Variants in EPG5 observed in about 807,000 individuals in gnomAD.
EPG5 encodes ectopic P granules protein 5 homolog.
In EPG5, 159 loss-of-function variants were observed where a neutral mutation model predicts 302.7. The observed-to-expected ratio is 0.53, with a 90% CI of 0.46 to 0.60. EPG5 has a LOEUF of 0.60. Among genes scored for constraint, EPG5 ranks in the 20% least tolerant of loss-of-function variants. EPG5 has a pLI of 0.00. For missense variants in EPG5, 2,896 were observed against 3,092.4 expected (o/e 0.94, Z 1.51); for synonymous variants, 1,158 against 1,136.8 (o/e 1.02, Z -0.37).
At chr18:45,910,854 C>T in intron 22 of EPG5, 112 bp from the exon 23 acceptor site, 1 of 733,902 alleles carries the variant, frequency 1.4e-6, no homozygotes, top group Non-Finnish European at 2.2e-6. Flanking sequence ...TGGATATACA[C>T]CATTAAATTA....
At chr18:45,964,570 G>A (rs539950703) in intron 1 of EPG5, among the ~76,000 whole-genome samples, 54 of 152,150 alleles carry the variant, frequency 3.5e-4, no homozygotes, top group African/African-American at 1.3e-3. Flanking sequence ...TCATCGTTAA[G>A]TAGGTTTAGG....
At chr18:45,936,554 C>T (rs1346741984) in intron 10 of EPG5, among the ~76,000 whole-genome samples, 2 of 151,662 alleles carry the variant, frequency 1.3e-5, no homozygotes, top group Non-Finnish European at 2.9e-5. Flanking sequence ...ATAGTGAAAC[C>T]CCATCTCTAC....
intron 13 of EPG5, among the ~76,000 whole-genome samples, chr18:45,927,932 G>T (rs1339705870): frequency 3.9e-5 from 6 of 152,128 alleles, no homozygotes; most frequent in Non-Finnish European, 7.4e-5. Flanking sequence ...GGTGGCTCAT[G>T]CCTGTAATCC....
At chr18:45,967,062 C>A in intron 1 of EPG5, 115 bp downstream of exon 1, 1 of 974,268 alleles carries the variant, frequency 1.0e-6, no homozygotes, top group East Asian at 2.9e-5. Flanking sequence ...AAGGTGGAGG[C>A]GGAAGATGCA....
the EPG5 span, among the ~76,000 whole-genome samples, chr18:45,809,834 A>C: frequency 6.6e-6 from 1 of 152,186 alleles, no homozygotes; most frequent in East Asian, 1.9e-4. Flanking sequence ...AGAACAAACC[A>C]AACCCAAACC....
intron 27 of EPG5, among the ~76,000 whole-genome samples, chr18:45,894,533 CA>C (rs1037186557): frequency 6.6e-6 from 1 of 151,918 alleles, no homozygotes; most frequent in African/African-American, 2.4e-5. Context: ...TCTGGCAGGA[CA>C]AAACAGCAAG....
At chr18:45,943,413 G>T in intron 8 of EPG5, 102 bp from the exon 9 acceptor site, 1 of 958,134 alleles carries the variant, frequency 1.0e-6, no homozygotes, top group Non-Finnish European at 1.6e-6. Context: ...AAGCCAAGGT[G>T]GAGAAGAACT....
At chr18:45,801,476 C>G in the EPG5 span, among the ~76,000 whole-genome samples, 1 of 152,140 alleles carries the variant, frequency 6.6e-6, no homozygotes, top group Non-Finnish European at 1.5e-5. Flanking sequence ...GTGAGCAAAA[C>G]TTGACAGTTA....
At chr18:45,829,346 T>C in the EPG5 span, among the ~76,000 whole-genome samples, 2 of 152,178 alleles carry the variant, frequency 1.3e-5, no homozygotes, top group Non-Finnish European at 2.9e-5. Flanking sequence ...GTGCTGACAG[T>C]TGGAATTTCT....
rs1382218933 is a variant in EPG5 at position 45,850,308 on chromosome 18, C to T, written c.*2159G>A. The T allele has an allele frequency of 6.6e-6, 1 of 152,278 alleles. No individual in the cohort carries two copies. The highest frequency in any genetic ancestry group is 2.1e-4 in the South Asian group (1 of 4,822). 9.4% of individuals were successfully genotyped at this position (152,278 alleles called of 1,614,324 possible). ...GGCCAACAATTTTTTCAAGCCAAGG[C>T]TCATTACCCCTGCAAGCCAACAGGC... On this transcript the variant is annotated 3_prime_UTR_variant, in exon 44 of 44. Coordinates refer to ENST00000282041, the MANE Select transcript of EPG5 (RefSeq NM_020964.3).
chr18:45,830,752 A>ATTTTTTTTT, the EPG5 span, among the ~76,000 whole-genome samples: 3 of 118,140 alleles, frequency 2.5e-5, no homozygotes, highest in African/African-American at 6.8e-5. Flanking sequence ...TGCCAGGCTA[A>ATTTTTTTTT]TTTTTTTTTT....
In EPG5 at chr18:45,952,388, T is replaced by C; in HGVS notation, c.1252+12A>G. 1.2e-6 allele frequency: 2 copies of C among 1,612,454 alleles called. No individual in the cohort carries two copies. The highest frequency in any genetic ancestry group is 1.7e-6 in the Non-Finnish European group (2 of 1,179,316). On this transcript the variant is annotated intron_variant, in intron 3 of 43. Transcript: ENST00000282041. Reference sequence around the variant, plus strand: ...TCAAAACACAAGAAAGAGAGCTTCATTACTTACATACCTCGGCCTTGCTGG... The same window carrying C: ...TCAAAACACAAGAAAGAGAGCTTCACTACTTACATACCTCGGCCTTGCTGG...
intron 43 of EPG5, among the ~76,000 whole-genome samples, chr18:45,853,655 A>T (rs1218649379): frequency 6.6e-6 from 1 of 152,192 alleles, no homozygotes; most frequent in Non-Finnish European, 1.5e-5. Flanking sequence ...ACCATAAGAG[A>T]GGGGATTTTT....
At chr18:45,858,812 A>G (rs2048571673) in intron 40 of EPG5, 30 bp from the exon 41 acceptor site, 10 of 1,501,468 alleles carry the variant, frequency 6.7e-6, no homozygotes, top group Non-Finnish European at 9.3e-6. Context: ...ACATCAAGAT[A>G]TAGGCAAGAA....
the EPG5 span, chr18:45,829,280 C>A: frequency 2.2e-6 from 1 of 445,720 alleles, no homozygotes; most frequent in Non-Finnish European, 3.0e-6. Flanking sequence ...GACCAGCTGG[C>A]CTTTCACTCA....
intron 27 of EPG5, among the ~76,000 whole-genome samples, chr18:45,896,068 A>T (rs2049465227): frequency 6.6e-6 from 1 of 152,262 alleles, no homozygotes; most frequent in Non-Finnish European, 1.5e-5. Context: ...ATTAATGTGT[A>T]ACAAAACATA....
At chr18:45,914,887 G>A (rs2049993265) in intron 20 of EPG5, among the ~76,000 whole-genome samples, 1 of 151,942 alleles carries the variant, frequency 6.6e-6, no homozygotes, top group Admixed American at 6.6e-5. Context: ...GAGGCTGGGA[G>A]CAGGAGAATC....
chr18:45,946,635 T>C, intron 7 of EPG5, 28 bp downstream of exon 7: 1 of 1,532,390 alleles, frequency 6.5e-7, no homozygotes, highest in South Asian at 1.1e-5. Flanking sequence ...CAATGATTCA[T>C]CAAAATAATG....
chr18:45,956,518 G>A (rs1269063389), intron 1 of EPG5, among the ~76,000 whole-genome samples: 5 of 151,658 alleles, frequency 3.3e-5, no homozygotes, highest in South Asian at 2.1e-4. Context: ...GTGCAGTCAC[G>A]CAATCTCGGC....
Sources: gnomAD v4.1 joint callset for allele counts (sites outside exome capture counted in the v4.1 genomes callset) on GRCh38, gnomAD v4.1.1 for gene constraint, MANE v1.5 for transcripts, NCBI Gene and HGNC (gene_info 2026-07-23, HGNC 2026-07-21) for gene names.